NKAIN3: variants seen among roughly 807,000 people sequenced by gnomAD.
The protein encoded by NKAIN3 is sodium/potassium-transporting ATPase subunit beta-1-interacting protein 3.
NKAIN3 carries 25 observed loss-of-function variants against 30.2 expected under a neutral mutation model. That is an observed-to-expected ratio of 0.83 (90% CI 0.60 to 1.16). NKAIN3 has a LOEUF of 1.16. Ranked by LOEUF, NKAIN3 falls within the 50% of genes most tolerant of loss-of-function variation. The pLI, the probability that NKAIN3 is intolerant of heterozygous loss-of-function variation, is 0.00. For synonymous variants in NKAIN3, 91 were observed against 89.6 expected, an observed-to-expected ratio of 1.02 and a Z score of -0.09; for missense variants, 225 against 254.1, an observed-to-expected ratio of 0.89 and a Z score of 0.78.
At chr8:62,736,960 A>T (rs1815693686) in intron 3 of NKAIN3, among the ~76,000 whole-genome samples, 1 of 152,090 alleles carries the variant, frequency 6.6e-6, no homozygotes, top group Admixed American at 6.6e-5. Context: ...TTCTCCCATG[A>T]TCTGGACCTT....
intron 1 of NKAIN3, among the ~76,000 whole-genome samples, chr8:62,378,581 C>T (rs1015361166): frequency 3.9e-5 from 6 of 152,104 alleles, no homozygotes; most frequent in Admixed American, 3.9e-4. Flanking sequence ...GCCCTGTGTC[C>T]CAGTATAGTC....
At chr8:62,760,317 A>G (rs1378014984) in intron 4 of NKAIN3, among the ~76,000 whole-genome samples, 7 of 152,194 alleles carry the variant, frequency 4.6e-5, no homozygotes, top group Non-Finnish European at 8.8e-5. Context: ...CTATAAAGAC[A>G]CATGCACGTG....
intron 1 of NKAIN3, among the ~76,000 whole-genome samples, chr8:62,401,996 C>A (rs750646126): frequency 2.6e-5 from 4 of 152,178 alleles, no homozygotes; most frequent in African/African-American, 9.7e-5. Context: ...TTTCTCTCAA[C>A]CTTCAGGGCT....
intron 1 of NKAIN3, among the ~76,000 whole-genome samples, chr8:62,379,721 CA>C (rs1241050014): frequency 6.6e-6 from 1 of 152,134 alleles, no homozygotes; most frequent in Non-Finnish European, 1.5e-5. Context: ...TGAATCAATT[CA>C]ACCTGTTTTC....
intron 1 of NKAIN3, among the ~76,000 whole-genome samples, chr8:62,380,197 C>A (rs960169777): frequency 2.6e-5 from 4 of 152,184 alleles, no homozygotes; most frequent in Non-Finnish European, 5.9e-5. Flanking sequence ...GCCTTTACTA[C>A]AAGCTAGGAT....
chr8:62,599,660 G>C (rs970607901), intron 3 of NKAIN3, among the ~76,000 whole-genome samples: 3 of 152,026 alleles, frequency 2.0e-5, no homozygotes, highest in African/African-American at 7.2e-5. Context: ...AGGACTGAGT[G>C]ACTCGTTTAA....
chr8:62,393,489 T>G (rs1000258973), intron 1 of NKAIN3, among the ~76,000 whole-genome samples: 1 of 152,014 alleles, frequency 6.6e-6, no homozygotes, highest in African/African-American at 2.4e-5. Flanking sequence ...AATCTCATAC[T>G]CCTTAGAGTG....
intron 4 of NKAIN3, chr8:62,855,466 A>C: frequency 6.3e-6 from 8 of 1,276,202 alleles, no homozygotes; most frequent in South Asian, 2.4e-5. Flanking sequence ...TGCTTCCAAA[A>C]TCTTCATTAT....
Position 62,248,856 on chromosome 8 carries a change from C to T in NKAIN3, c.-218C>T. On this transcript the variant is annotated 5_prime_UTR_variant, in exon 1 of 7. Coordinates refer to ENST00000623646, the MANE Select transcript of NKAIN3 (RefSeq NM_001304533.3). ...CACAGTGGGACGCAGGGACCCCCGCCAGACGCTCGGGTCGTGCGCACCGCA... is the reference window on the plus strand; with the variant it reads ...CACAGTGGGACGCAGGGACCCCCGCTAGACGCTCGGGTCGTGCGCACCGCA... The T allele has an allele frequency of 1.9e-6, 1 of 516,330 alleles. No individual in the cohort carries two copies. The highest frequency in any genetic ancestry group is 2.6e-5 in the South Asian group (1 of 38,544). 32.0% of individuals were successfully genotyped at this position (516,330 alleles called of 1,614,324 possible). A position where few individuals can be genotyped will look rare whatever the true frequency, so the allele number is the denominator to read the frequency against.
intron 3 of NKAIN3, among the ~76,000 whole-genome samples, chr8:62,716,602 T>G (rs1814910531): frequency 1.3e-5 from 2 of 152,146 alleles, no homozygotes; most frequent in South Asian, 4.1e-4. Context: ...TTATATCCTT[T>G]TTGTTCTTTA....
At chr8:62,960,164 C>G (rs868771600) in intron 6 of NKAIN3, among the ~76,000 whole-genome samples, 5 of 152,270 alleles carry the variant, frequency 3.3e-5, no homozygotes, top group Middle Eastern at 3.4e-3. Flanking sequence ...AGTTAGTGCA[C>G]CTCTGTTTTT....
At chr8:62,374,136 A>G (rs74940589) in intron 1 of NKAIN3, among the ~76,000 whole-genome samples, 2 of 150,508 alleles carry the variant, frequency 1.3e-5, no homozygotes, top group Non-Finnish European at 3.0e-5. Context: ...AAAAAAAAAA[A>G]AGAGAAGACA....
chr8:62,443,880 A>G (rs1009406168), intron 1 of NKAIN3, among the ~76,000 whole-genome samples: 2 of 152,178 alleles, frequency 1.3e-5, no homozygotes, highest in Admixed American at 6.5e-5. Context: ...GTTGTAAACT[A>G]TGCTCCAAGC....
At chr8:62,723,064 T>G (rs1257335505) in intron 3 of NKAIN3, among the ~76,000 whole-genome samples, 1 of 152,046 alleles carries the variant, frequency 6.6e-6, no homozygotes, top group Non-Finnish European at 1.5e-5. Flanking sequence ...TTAAGAAAAA[T>G]GTCTTATTTT....
At position 62,733,871 on chromosome 8, in the gene NKAIN3, A is replaced by G. The variant is rs567617136; in HGVS notation, c.274-13061A>G. 2.6e-5 allele frequency among the ~76,000 whole-genome samples: 4 copies of G among 152,290 alleles called. No homozygotes were observed. In the South Asian group the frequency reaches 6.2e-4, roughly 24 times the overall value. Reference sequence around the variant, plus strand: ...TTAAATCTGTCTAATCTGCTTTTTAACCTATCTATTGATTTCTTGCTTCAA... The same window carrying G: ...TTAAATCTGTCTAATCTGCTTTTTAGCCTATCTATTGATTTCTTGCTTCAA... On this transcript the variant is annotated intron_variant, in intron 3 of 6. Coordinates refer to ENST00000623646, the MANE Select transcript of NKAIN3 (RefSeq NM_001304533.3).
Position 62,412,698 on chromosome 8 carries a change from C to A in NKAIN3, c.54+163571C>A, listed in dbSNP as rs546220670. 6.1e-3 allele frequency among the ~76,000 whole-genome samples: 930 copies of A among 151,652 alleles called. 6 individuals carry two copies. The highest frequency in any genetic ancestry group is 8.1e-3 in the South Asian group (39 of 4,786). ...ACATTTAAGGTCAGGAGTTTGAGAC[C>A]AGCCTGGCCTCAAACTGTTTAGTAG... On this transcript the variant is annotated intron_variant, in intron 1 of 6. Transcript: ENST00000623646.
At chr8:62,671,613 C>G (rs1416289787) in intron 3 of NKAIN3, among the ~76,000 whole-genome samples, 2 of 151,962 alleles carry the variant, frequency 1.3e-5, no homozygotes, top group Non-Finnish European at 2.9e-5. Context: ...TAGTATAAAA[C>G]TAAACTAAAC....
chr8:62,249,363 C>T (rs1812011843), intron 1 of NKAIN3, among the ~76,000 whole-genome samples: 1 of 152,200 alleles, frequency 6.6e-6, no homozygotes, highest in Non-Finnish European at 1.5e-5. Flanking sequence ...GTCCCATGCG[C>T]TGGGGTTCGC....
At chr8:62,371,447 T>C (rs1816905950) in intron 1 of NKAIN3, among the ~76,000 whole-genome samples, 1 of 151,898 alleles carries the variant, frequency 6.6e-6, no homozygotes, top group Non-Finnish European at 1.5e-5. Flanking sequence ...TCTGAGACAA[T>C]CCATTGGTTA....
Sources: allele counts gnomAD v4.1 joint callset (sites outside exome capture counted in the v4.1 genomes callset), GRCh38; gene constraint gnomAD v4.1.1; transcripts MANE v1.5; gene names NCBI Gene and HGNC (gene_info 2026-07-23, HGNC 2026-07-21).